The following EPHA5 variants were observed in gnomAD, a reference collection of about 807,000 sequenced individuals.
EPHA5 encodes the protein EPH receptor A5.
A neutral mutation model predicts 105.0 loss-of-function variants in EPHA5; 60 were observed. That is an observed-to-expected ratio of 0.57 (90% confidence interval 0.46 to 0.71). The LOEUF is 0.71. Among genes scored for constraint, EPHA5 ranks in the 30% least tolerant of loss-of-function variants. The probability of loss-of-function intolerance (pLI) is 0.00; values close to 1 mark genes in which losing one functional copy is unlikely to be tolerated. For missense variants in EPHA5, 1,218 were observed against 1,274.7 expected, an observed-to-expected ratio of 0.96 and a Z score of 0.68; for synonymous variants, 513 against 449.1, an observed-to-expected ratio of 1.14 and a Z score of -1.80.
intron 5 of EPHA5, among the ~76,000 whole-genome samples, chr4:65,437,023 G>A (rs35231080): frequency 0.063 from 9,517 of 151,972 alleles, 591 homozygotes; most frequent in African/African-American, 0.16. Context: ...ATTTTTATAA[G>A]TATGCCTAAA....
chr4:65,633,941 C>T (rs980802786), intron 2 of EPHA5, among the ~76,000 whole-genome samples: 2 of 151,976 alleles, frequency 1.3e-5, no homozygotes, highest in Non-Finnish European at 2.9e-5. Flanking sequence ...GGATAACACA[C>T]CTGTACACGT....
chr4:65,573,473 A>T (rs1477577151), intron 3 of EPHA5: 3 of 1,507,558 alleles, frequency 2.0e-6, no homozygotes, highest in African/African-American at 1.4e-5. Context: ...CGGGTGAAAA[A>T]GTTTAGAAGC....
At chr4:65,390,737 G>A (rs569443604) in intron 8 of EPHA5, among the ~76,000 whole-genome samples, 1 of 151,912 alleles carries the variant, frequency 6.6e-6, no homozygotes, top group African/African-American at 2.4e-5. Context: ...TTATAATAAC[G>A]ATGGCTAAAA....
At chr4:65,369,919 A>T (rs1718291898) in intron 8 of EPHA5, among the ~76,000 whole-genome samples, 1 of 152,140 alleles carries the variant, frequency 6.6e-6, no homozygotes, top group South Asian at 2.1e-4. Context: ...GTGAGCCAAG[A>T]TCTTGCCACT....
rs932786337 is a variant in EPHA5, at chr4:65,439,952, G to A, written c.1403-19387C>T. Among the ~76,000 whole-genome samples, 28 of 152,028 alleles carry A rather than the reference G, an allele frequency of 1.8e-4. 1 individual carries two copies. The highest frequency in any genetic ancestry group is 1.1e-3 in the Admixed American group (16 of 15,236). The stretch of plus-strand genomic sequence containing the variant: ...TTGTAGCTATCATGTTAATTATGTG[G>A]TATTTTACTTATCTTTTTGCAATAG... On this transcript the variant is annotated intron_variant, in intron 5 of 16. Transcript: ENST00000613740.
At chr4:65,563,193 A>T (rs929589354) in intron 3 of EPHA5, among the ~76,000 whole-genome samples, 1 of 152,022 alleles carries the variant, frequency 6.6e-6, no homozygotes, top group African/African-American at 2.4e-5. Context: ...CTTACTTTAG[A>T]TCCCCATTTG....
chr4:65,321,723 C>T lies in EPHA5; in HGVS notation c.*2391G>A, dbSNP rs895858744. On this transcript the variant is annotated 3_prime_UTR_variant, in exon 17 of 17. Transcript: ENST00000613740. Reference sequence around the variant, plus strand: ...TAAAAAGAGAAAATCTATATTGCAACTTAAAGTTCTAGTCATTTAGATACA... The same window carrying T: ...TAAAAAGAGAAAATCTATATTGCAATTTAAAGTTCTAGTCATTTAGATACA... The T allele has an allele frequency of 3.1e-5, 7 of 228,330 alleles. No homozygotes were observed. Among genetic ancestry groups the T allele is most frequent in the Non-Finnish European group, 6.1e-5 (7 of 115,010 alleles). The allele number at this position is 228,330 out of a possible 1,614,324, so 14.1% of individuals were successfully genotyped here.
chr4:65,335,804 C>G, intron 15 of EPHA5, 128 bp downstream of exon 15: 1 of 912,342 alleles, frequency 1.1e-6, no homozygotes, highest in South Asian at 2.3e-5. Context: ...AAACTATATC[C>G]AAATAAATTA....
intron 8 of EPHA5, among the ~76,000 whole-genome samples, chr4:65,401,061 TGA>T (rs903618688): frequency 1.1e-4 from 16 of 151,278 alleles, no homozygotes; most frequent in Non-Finnish European, 2.4e-4. Context: ...TGTGTGTGTG[TGA>T]GAGAGAGAGA....
rs563793010 is a variant in EPHA5, at chr4:65,443,470, A to G, written c.1403-22905T>C. 1.6e-4 allele frequency among the ~76,000 whole-genome samples: 24 copies of G among 152,096 alleles called. No homozygotes were observed. The East Asian group carries it at 4.5e-3, about 28-fold the overall frequency. On this transcript the variant is annotated intron_variant, in intron 5 of 16. Transcript: ENST00000613740. ...GAAATATTGAGGTAACCCAATGACA[A>G]TCACTGAAAGAGGCAGCTATCATTT...
At chr4:65,547,261 T>C (rs1407840965) in intron 3 of EPHA5, among the ~76,000 whole-genome samples, 1 of 132,004 alleles carries the variant, frequency 7.6e-6, no homozygotes, top group Non-Finnish European at 1.6e-5. Context: ...TGCCTATACA[T>C]CAAATGGACA....
At chr4:65,592,195 G>A (rs757080496) in intron 3 of EPHA5, among the ~76,000 whole-genome samples, 1 of 152,100 alleles carries the variant, frequency 6.6e-6, no homozygotes, top group Non-Finnish European at 1.5e-5. Flanking sequence ...ATAACAGCTT[G>A]ACGTTCCTGT....
intron 11 of EPHA5, among the ~76,000 whole-genome samples, chr4:65,362,736 G>T (rs1307495856): frequency 6.6e-6 from 1 of 151,626 alleles, no homozygotes; most frequent in African/African-American, 2.4e-5. Flanking sequence ...ATTATTACAA[G>T]AAGTTGTCTT....
chr4:65,626,099 T>G (rs1746128822), intron 2 of EPHA5, among the ~76,000 whole-genome samples: 2 of 37,410 alleles, frequency 5.3e-5, no homozygotes, highest in African/African-American at 2.1e-4. Flanking sequence ...ACACTCCGTC[T>G]CAAAAAAAAA....
intron 3 of EPHA5, among the ~76,000 whole-genome samples, chr4:65,576,451 TAAAA>T (rs1013789565): frequency 3.9e-5 from 6 of 152,206 alleles, no homozygotes; most frequent in African/African-American, 1.4e-4. Flanking sequence ...AGGTGGTAGA[TAAAA>T]GAATGTTATG....
intron 3 of EPHA5, among the ~76,000 whole-genome samples, chr4:65,599,492 T>C (rs1472037640): frequency 1.3e-5 from 2 of 152,142 alleles, no homozygotes; most frequent in Non-Finnish European, 2.9e-5. Flanking sequence ...GTCATTCTAT[T>C]ACATAAGTTG....
intron 3 of EPHA5, among the ~76,000 whole-genome samples, chr4:65,585,066 A>G (rs369809968): frequency 6.5e-4 from 99 of 151,516 alleles, no homozygotes; most frequent in African/African-American, 2.3e-3. Flanking sequence ...TCTTCATTAC[A>G]TCTCTGTTTT....
rs577340577 is a variant in EPHA5 at position 65,529,674 on chromosome 4, A to G, written c.911-34131T>C. ...AATAAATGTCATGGTTTCAGTTTTC[A>G]ACCCTGAATCACATAAGTGTGCTTG... On this transcript the variant is annotated intron_variant, in intron 3 of 16. Coordinates refer to ENST00000613740, the MANE Select transcript of EPHA5 (RefSeq NM_001281766.3). Among the ~76,000 whole-genome samples, 5 of 152,278 alleles carry G rather than the reference A, an allele frequency of 3.3e-5. No individual in the cohort carries two copies. The East Asian group carries it at 7.7e-4, about 23-fold the overall frequency.
At position 65,366,015 on chromosome 4, in the gene EPHA5, T is replaced by C. The variant is rs1012499943; in HGVS notation, c.1904A>G (p.Tyr635Cys). ...GVRTYIDPHT[Y>C]EDPNQAVHEF... is the part of the protein sequence containing the mutation. ...GTGGACAGCTTGATTGGGATCCTCATAGGTATGTGGATCAATGTAAGTTCT... is the reference window on the plus strand; with the variant it reads ...GTGGACAGCTTGATTGGGATCCTCACAGGTATGTGGATCAATGTAAGTTCT... Residue 635 changes from tyrosine (Y) to cysteine (C), a missense_variant, in exon 10 of 17, where the codon TAT (tyrosine) becomes TGT (cysteine). Coordinates refer to ENST00000613740, the MANE Select transcript of EPHA5 (RefSeq NM_001281766.3). 1.9e-6 allele frequency: 3 copies of C among 1,604,090 alleles called. No homozygotes were observed. Among genetic ancestry groups the C allele is most frequent in the Admixed American group, 3.3e-5 (2 of 59,804 alleles).
Sources: gnomAD v4.1 joint callset for allele counts (sites outside exome capture counted in the v4.1 genomes callset) on GRCh38, gnomAD v4.1.1 for gene constraint, MANE v1.5 for transcripts, NCBI Gene and HGNC (gene_info 2026-07-23, HGNC 2026-07-21) for gene names.